Variants in NTRK3 observed in about 807,000 individuals in gnomAD.
NTRK3 encodes the protein NT-3 growth factor receptor.
A neutral mutation model predicts 91.7 loss-of-function variants in NTRK3; 24 were observed. That is an observed-to-expected ratio of 0.26 (90% CI 0.19 to 0.37). The LOEUF is 0.37. Ranked by LOEUF, NTRK3 falls within the 10% of genes least tolerant of loss-of-function variation. The probability of loss-of-function intolerance (pLI) is 1.00; values close to 1 mark genes in which losing one functional copy is unlikely to be tolerated. For missense variants in NTRK3, 880 were observed against 1,068.9 expected (o/e 0.82, Z 2.46); for synonymous variants, 483 against 404.0 (o/e 1.20, Z -2.34).
intron 13 of NTRK3, among the ~76,000 whole-genome samples, chr15:88,033,511 A>G (rs945307414): frequency 4.6e-5 from 7 of 151,802 alleles, no homozygotes; most frequent in South Asian, 2.1e-4. Context: ...GGATTTTACC[A>G]TGTTGGCCAG....
intron 14 of NTRK3, among the ~76,000 whole-genome samples, chr15:87,999,939 C>G (rs565723888): frequency 6.6e-6 from 1 of 152,332 alleles, no homozygotes; most frequent in South Asian, 2.1e-4. Flanking sequence ...CAGCTCCTGA[C>G]CCACAGACTT....
chr15:88,003,967 G>T (rs2076300997), intron 14 of NTRK3, among the ~76,000 whole-genome samples: 1 of 151,950 alleles, frequency 6.6e-6, no homozygotes, highest in African/African-American at 2.4e-5. Context: ...TTCAAGAGCA[G>T]AATCTCCTGC....
At chr15:88,085,480 C>T (rs1429110367) in intron 13 of NTRK3, among the ~76,000 whole-genome samples, 1 of 152,188 alleles carries the variant, frequency 6.6e-6, no homozygotes, top group Non-Finnish European at 1.5e-5. Context: ...CTTCAGCCGG[C>T]ACCCCAGAAT....
intron 17 of NTRK3, among the ~76,000 whole-genome samples, chr15:87,907,462 G>A (rs2066841523): frequency 6.6e-6 from 1 of 152,128 alleles, no homozygotes; most frequent in South Asian, 2.1e-4. Context: ...CAAATTATGA[G>A]AGAAATGAAT....
intron 13 of NTRK3, among the ~76,000 whole-genome samples, chr15:88,101,946 A>C (rs1239232689): frequency 2.0e-5 from 3 of 152,140 alleles, no homozygotes; most frequent in Non-Finnish European, 2.9e-5. Context: ...CAGCACACCA[A>C]ATGGCACATG....
At chr15:88,048,276 A>G (rs1371959730) in intron 13 of NTRK3, among the ~76,000 whole-genome samples, 2 of 152,176 alleles carry the variant, frequency 1.3e-5, no homozygotes, top group African/African-American at 2.4e-5. Flanking sequence ...AATTAGTGCC[A>G]ATGGAAGTGT....
chr15:87,936,467 G>A (rs551378685), intron 15 of NTRK3, among the ~76,000 whole-genome samples: 11 of 151,742 alleles, frequency 7.2e-5, no homozygotes, highest in South Asian at 2.1e-4. Context: ...ACAACTTCTC[G>A]ACAGCTCCCA....
intron 6 of NTRK3, among the ~76,000 whole-genome samples, chr15:88,143,060 CAA>C: frequency 7.1e-6 from 1 of 139,934 alleles, no homozygotes; most frequent in African/African-American, 2.6e-5. Context: ...ACTAAAAATA[CAA>C]AAAAAAAAAA....
At chr15:87,979,550 G>A (rs2074020550) in intron 14 of NTRK3, 1 of 848,886 alleles carries the variant, frequency 1.2e-6, no homozygotes, top group African/African-American at 1.7e-5. Context: ...ACTAGGAGGG[G>A]AAATAGAGAG....
intron 5 of NTRK3, among the ~76,000 whole-genome samples, chr15:88,149,144 T>C (rs1360817329): frequency 6.6e-6 from 1 of 152,086 alleles, no homozygotes; most frequent in Non-Finnish European, 1.5e-5. Context: ...TCCACCCAGT[T>C]CATAACAGTA....
At chr15:88,213,690 G>C (rs1262975656) in intron 3 of NTRK3, among the ~76,000 whole-genome samples, 1 of 152,082 alleles carries the variant, frequency 6.6e-6, no homozygotes, top group Non-Finnish European at 1.5e-5. Context: ...ACAGTCCTGC[G>C]AGGTAAATGC....
At chr15:88,198,079 G>T (rs1204640420) in intron 3 of NTRK3, among the ~76,000 whole-genome samples, 1 of 152,142 alleles carries the variant, frequency 6.6e-6, no homozygotes, top group Non-Finnish European at 1.5e-5. Context: ...AATATGCTAG[G>T]GCTCAAAGAA....
chr15:88,128,761 T>C, intron 10 of NTRK3, 27 bp from the exon 11 acceptor site: 1 of 1,608,362 alleles, frequency 6.2e-7, no homozygotes, highest in Non-Finnish European at 8.5e-7. Context: ...AAGAGATAAT[T>C]AACAAATTTA....
intron 5 of NTRK3, among the ~76,000 whole-genome samples, chr15:88,155,200 G>A (rs1026970376): frequency 5.9e-5 from 9 of 152,186 alleles, no homozygotes; most frequent in African/African-American, 2.2e-4. Flanking sequence ...TGGTCCCAAG[G>A]TAATCATAAG....
intron 14 of NTRK3, among the ~76,000 whole-genome samples, chr15:88,002,174 T>C (rs955579122): frequency 6.9e-6 from 1 of 145,514 alleles, no homozygotes; most frequent in Non-Finnish European, 1.5e-5. Context: ...GGTTGTTTTT[T>C]TTTTTTTTTT....
At position 88,047,954 on chromosome 15, in the gene NTRK3, C is replaced by T. The variant is rs145012666; in HGVS notation, c.1397-14909G>A. On this transcript the variant is annotated intron_variant, in intron 13 of 18. Transcript: ENST00000394480. ...TAGTGATGCAATATCACAAGTAAAG[C>T]AGTGAACCACCCTAGCCAACATGTC... 1.6e-4 allele frequency among the ~76,000 whole-genome samples: 24 copies of T among 152,308 alleles called. No homozygotes were observed. The East Asian group carries it at 3.9e-3, about 24-fold the overall frequency.
intron 13 of NTRK3, among the ~76,000 whole-genome samples, chr15:88,096,357 G>C (rs996680310): frequency 1.3e-5 from 2 of 152,164 alleles, no homozygotes; most frequent in African/African-American, 4.8e-5. Flanking sequence ...AATATGGACT[G>C]AATCACCCAC....
rs1490824845 is a variant in NTRK3 at position 88,235,055 on chromosome 15, A to G, written c.248+20851T>C. 6.6e-6 allele frequency among the ~76,000 whole-genome samples: 1 copy of G among 152,050 alleles called. No individual in the cohort carries two copies. Among genetic ancestry groups the G allele is most frequent in the Non-Finnish European group, 1.5e-5 (1 of 67,992 alleles). ...GACAATCCATTCTCCGAGAGCCCAGACGCCCTACCCTTACACAAAGGCAGC... is the reference window on the plus strand; with the variant it reads ...GACAATCCATTCTCCGAGAGCCCAGGCGCCCTACCCTTACACAAAGGCAGC... On this transcript the variant is annotated intron_variant, in intron 3 of 18. Transcript: ENST00000394480. The surrounding 1 kb of genome is among the most constrained non-coding windows in gnomAD (Gnocchi z 5.2).
In NTRK3 at chr15:87,954,675, T is replaced by C. The variant is rs187211868; in HGVS notation, c.1586-13922A>G. On this transcript the variant is annotated intron_variant, in intron 14 of 18. Transcript: ENST00000394480. ...GACTTCCCCCAGAAAAGTTTCTAGC[T>C]GGCCAGGGTTTGGGAAATGGAATTT... 2.5e-4 allele frequency among the ~76,000 whole-genome samples: 38 copies of C among 152,368 alleles called. 1 individual carries two copies. The East Asian group carries it at 6.4e-3, about 25-fold the overall frequency.
Sources: gnomAD v4.1 joint callset for allele counts (sites outside exome capture counted in the v4.1 genomes callset) on GRCh38, gnomAD v4.1.1 for gene constraint, Gnocchi (gnomAD v3.1) non-coding constraint, MANE v1.5 for transcripts, NCBI Gene and HGNC (gene_info 2026-07-23, HGNC 2026-07-21) for gene names.